Variants in SCLT1 observed in about 807,000 individuals in gnomAD.
SCLT1 encodes the protein sodium channel and clathrin linker 1, also known as sodium channel-associated protein 1.
Under a neutral mutation model 112.8 loss-of-function variants are expected in SCLT1, and 78 were observed. The ratio of observed to expected loss-of-function variants is 0.69; its 90% confidence interval spans 0.58 to 0.83. The LOEUF (loss-of-function observed/expected upper bound fraction) is 0.83. SCLT1 is among the 40% of genes least tolerant of loss of function. The pLI is 0.00. For missense variants in SCLT1, 747 were observed against 770.4 expected (o/e 0.97, Z 0.36); for synonymous variants, 257 against 254.7 (o/e 1.01, Z -0.09).
chr4:129,044,827 C>CAA (rs61042798), intron 2 of SCLT1, among the ~76,000 whole-genome samples: 38 of 77,264 alleles, frequency 4.9e-4, no homozygotes, highest in South Asian at 1.3e-3. Flanking sequence ...ATAATCTCAC[C>CAA]AAAAAAAAAA....
chr4:129,059,602 T>C (rs559069027), intron 2 of SCLT1, among the ~76,000 whole-genome samples: 1 of 152,306 alleles, frequency 6.6e-6, no homozygotes, highest in South Asian at 2.1e-4. Context: ...TTCTCCCTCA[T>C]TTCTGAAGGA....
At chr4:129,088,997 A>C (rs1241124265) in intron 1 of SCLT1, among the ~76,000 whole-genome samples, 1 of 152,258 alleles carries the variant, frequency 6.6e-6, no homozygotes, top group Non-Finnish European at 1.5e-5. Context: ...GCCAAAACTG[A>C]CAAATAGGGT....
intron 5 of SCLT1, among the ~76,000 whole-genome samples, chr4:129,015,759 A>T (rs1268777545): frequency 1.3e-5 from 2 of 151,848 alleles, no homozygotes; most frequent in African/African-American, 4.8e-5. Flanking sequence ...CAACTCACCC[A>T]TTCCCCCGGA....
intron 1 of SCLT1, among the ~76,000 whole-genome samples, chr4:129,086,688 A>G (rs1289544384): frequency 1.3e-5 from 2 of 152,118 alleles, no homozygotes; most frequent in Non-Finnish European, 2.9e-5. Flanking sequence ...TCATATTAAG[A>G]TTACTGACAA....
chr4:129,072,382 T>A (rs1434241369), intron 2 of SCLT1, among the ~76,000 whole-genome samples: 1 of 152,202 alleles, frequency 6.6e-6, no homozygotes, highest in African/African-American at 2.4e-5. Context: ...TTTTCCTCAA[T>A]TATTCCCCCA....
At chr4:128,905,292 C>T (rs760352387) in intron 18 of SCLT1, among the ~76,000 whole-genome samples, 1 of 152,118 alleles carries the variant, frequency 6.6e-6, no homozygotes, top group African/African-American at 2.4e-5. Context: ...TTCTATTCTA[C>T]CTTCCAAATG....
In SCLT1 at chr4:128,959,707, C is replaced by T. The variant is rs576491536; in HGVS notation, c.940G>A (p.Glu314Lys). The change falls in exon 12 of 21, where the codon GAG becomes AAG. Residue 314 changes from glutamate to lysine, a missense_variant. By Grantham distance (56) the Glu-to-Lys change is moderately conservative. This residue lies in a region of SCLT1 where 723 missense variants were observed against 721.3 expected (regional missense o/e 1.00). Coordinates refer to ENST00000281142, the MANE Select transcript of SCLT1 (RefSeq NM_144643.4). ...ENTHLEKQTR[E>K]LQAKCNELEN... ...AATTCATTGCACTTTGCTTGTAGCT[C>T]TCTGGTCTGTTTTTCCAGATGTGTA... is the stretch of plus-strand genomic sequence containing the variant. The T allele has an allele frequency of 7.4e-6, 12 of 1,613,580 alleles. No homozygotes were observed. Among genetic ancestry groups the T allele is most frequent in the Middle Eastern group, 3.3e-4 (2 of 6,056 alleles).
At chr4:128,877,705 GTAGT>G (rs1732552656) in intron 3 of SCLT1, among the ~76,000 whole-genome samples, 1 of 151,844 alleles carries the variant, frequency 6.6e-6, no homozygotes, top group Non-Finnish European at 1.5e-5. Flanking sequence ...TTCACACAAA[GTAGT>G]TAGCATATTT....
At chr4:129,070,390 CT>C (rs374556971) in intron 2 of SCLT1, among the ~76,000 whole-genome samples, 2,191 of 147,068 alleles carry the variant, frequency 0.015, 46 homozygotes, top group African/African-American at 0.045. Flanking sequence ...TGGTCCTGGA[CT>C]TTTTTTTTTG....
At chr4:129,020,258 A>G (rs1189704995) in intron 5 of SCLT1, among the ~76,000 whole-genome samples, 1 of 152,196 alleles carries the variant, frequency 6.6e-6, no homozygotes, top group African/African-American at 2.4e-5. Flanking sequence ...GTCTAAAGCC[A>G]AAGTAAGGTC....
At chr4:128,991,876 T>C (rs564775889) in intron 9 of SCLT1, among the ~76,000 whole-genome samples, 2 of 151,884 alleles carry the variant, frequency 1.3e-5, no homozygotes, top group Non-Finnish European at 2.9e-5. Context: ...TATCAGATTA[T>C]TTAAAATATA....
At chr4:128,974,037 A>G (rs763370766) in intron 9 of SCLT1, among the ~76,000 whole-genome samples, 11 of 152,222 alleles carry the variant, frequency 7.2e-5, no homozygotes, top group Non-Finnish European at 1.3e-4. Flanking sequence ...GAGTCTTAGT[A>G]TCTATAAAAT....
intron 18 of SCLT1, among the ~76,000 whole-genome samples, chr4:128,900,012 A>C: frequency 6.6e-6 from 1 of 152,218 alleles, no homozygotes; most frequent in African/African-American, 2.4e-5. Context: ...ACCAGTGCTC[A>C]AGGAAATAAA....
At chr4:128,927,159 A>G (rs1736363210) in intron 18 of SCLT1, among the ~76,000 whole-genome samples, 1 of 152,174 alleles carries the variant, frequency 6.6e-6, no homozygotes, top group Non-Finnish European at 1.5e-5. Flanking sequence ...TAGTGTTTCT[A>G]AATCTATGAA....
At chr4:129,020,596 A>T (rs926524680) in intron 5 of SCLT1, among the ~76,000 whole-genome samples, 1 of 152,214 alleles carries the variant, frequency 6.6e-6, no homozygotes. Context: ...AGCTACATAG[A>T]GGGGTACCAC....
At chr4:129,070,758 T>A (rs1394701083) in intron 2 of SCLT1, among the ~76,000 whole-genome samples, 1 of 152,106 alleles carries the variant, frequency 6.6e-6, no homozygotes, top group Non-Finnish European at 1.5e-5. Flanking sequence ...GCTTGCTTGT[T>A]TGTTTCAATT....
rs576675713 is a variant in SCLT1 at position 128,908,332 on chromosome 4, G to A, written c.1830-17195C>T. ...TGCTTCAGTTACTTTTAGTAATTAT[G>A]TATTTTGTAATTTGCTGGTACCTGC... On this transcript the variant is annotated intron_variant, in intron 18 of 20. Transcript: ENST00000281142. 1.4e-3 allele frequency among the ~76,000 whole-genome samples: 204 copies of A among 145,282 alleles called. 2 individuals carry two copies. The South Asian group carries it at 0.018, about 13-fold the overall frequency.
chr4:129,043,070 T>C (rs1303023445), intron 4 of SCLT1, among the ~76,000 whole-genome samples: 2 of 150,138 alleles, frequency 1.3e-5, no homozygotes, highest in Non-Finnish European at 3.0e-5. Flanking sequence ...AGATTCCATC[T>C]CAAAAAAAAG....
chr4:128,951,186 T>G (rs1391531780), intron 14 of SCLT1, among the ~76,000 whole-genome samples: 2 of 152,072 alleles, frequency 1.3e-5, no homozygotes, highest in Admixed American at 6.6e-5. Context: ...TAGAAAACAA[T>G]AGCAAGCATC....
Sources: gnomAD v4.1 joint callset for allele counts (sites outside exome capture counted in the v4.1 genomes callset) on GRCh38, gnomAD v4.1.1 for gene constraint, gnomAD v4.1.1 regional missense constraint, MANE v1.5 for transcripts, NCBI Gene and HGNC (gene_info 2026-07-23, HGNC 2026-07-21) for gene names.